The following CWH43 variants were observed in gnomAD, a reference collection of about 807,000 sequenced individuals.
The protein encoded by CWH43 is cell wall biogenesis 43 C-terminal homolog, also known as PGAP2-interacting protein.
Under a neutral mutation model 85.7 loss-of-function variants are expected in CWH43, and 91 were observed. The observed-to-expected ratio is 1.06, with a 90% CI of 0.90 to 1.26. The LOEUF is 1.26. Among genes scored for constraint, CWH43 ranks in the 50% most tolerant of loss-of-function variants. CWH43 has a pLI of 0.00. For missense variants in CWH43, 869 were observed against 839.2 expected, an observed-to-expected ratio of 1.04 and a Z score of -0.44; for synonymous variants, 323 against 293.6, an observed-to-expected ratio of 1.10 and a Z score of -1.02.
At position 49,003,969 on chromosome 4, in the gene CWH43, G is replaced by C. The variant is rs763800867; in HGVS notation, c.1037G>C (p.Arg346Thr). The C allele has an allele frequency of 6.2e-7, 1 of 1,612,300 alleles. No homozygotes were observed. Among genetic ancestry groups the C allele is most frequent in the Non-Finnish European group, 8.5e-7 (1 of 1,179,684 alleles). ...FKFVPGGVYA[R>T]ERSDVLLGTM... ...TTTGTCCCAGGAGGTGTCTACGCTA[G>C]AGAAAGATCAGATGTGCTTTTGGGT... The change falls in exon 7 of 16, where the codon AGA becomes ACA. Residue 346 changes from arginine to threonine, a missense_variant. Around this residue, in one of 3 missense-constraint regions of CWH43, gnomAD observed 577 missense variants for 513.1 expected, o/e 1.12. Coordinates refer to ENST00000226432, the MANE Select transcript of CWH43 (RefSeq NM_025087.3).
chr4:49,004,782 C>T (rs1459090849), intron 7 of CWH43, among the ~76,000 whole-genome samples: 1 of 152,016 alleles, frequency 6.6e-6, no homozygotes, highest in African/African-American at 2.4e-5. Context: ...ATATATTTAC[C>T]ATTTTAGTGG....
At chr4:49,032,536 A>G in intron 11 of CWH43, 30 bp from the exon 12 acceptor site, 1 of 1,612,266 alleles carries the variant, frequency 6.2e-7, no homozygotes, top group Non-Finnish European at 8.5e-7. Context: ...ACTGACAATG[A>G]TGCCCATGTC....
intron 6 of CWH43, chr4:49,003,470 T>C: frequency 2.4e-6 from 1 of 408,702 alleles, no homozygotes; most frequent in Middle Eastern, 6.2e-4. Flanking sequence ...TACCTAAAAA[T>C]ACCCTTTTCA....
At chr4:49,038,511 T>G (rs1784333733) in intron 13 of CWH43, among the ~76,000 whole-genome samples, 1 of 152,206 alleles carries the variant, frequency 6.6e-6, no homozygotes, top group Non-Finnish European at 1.5e-5. Context: ...TTCCTCGCCA[T>G]GGGCTACTTA....
chr4:49,056,232 A>G (rs1250432857), intron 15 of CWH43, among the ~76,000 whole-genome samples: 2 of 151,916 alleles, frequency 1.3e-5, no homozygotes, highest in African/African-American at 4.8e-5. Flanking sequence ...ATGTCCCTAC[A>G]AAGGATATGA....
chr4:49,000,991 T>A (rs954090860), intron 6 of CWH43, among the ~76,000 whole-genome samples: 2 of 152,164 alleles, frequency 1.3e-5, no homozygotes, highest in African/African-American at 4.8e-5. Context: ...TGGTGCCCAC[T>A]TTTCACTGTG....
intron 10 of CWH43, 23 bp from the exon 11 acceptor site, chr4:49,030,802 G>A (rs1784070202): frequency 1.3e-6 from 2 of 1,548,004 alleles, no homozygotes; most frequent in African/African-American, 1.4e-5. Context: ...ATCACTGTAT[G>A]CTACTTTTTT....
At chr4:49,051,093 A>G (rs1170784042) in intron 15 of CWH43, among the ~76,000 whole-genome samples, 1 of 152,192 alleles carries the variant, frequency 6.6e-6, no homozygotes, top group East Asian at 1.9e-4. Flanking sequence ...CATCATTATC[A>G]TCATGAACAT....
rs748048156 is a variant in CWH43 at position 48,994,773 on chromosome 4, G to C, written c.666G>C (p.Trp222Cys). The C allele has an allele frequency of 3.1e-6, 5 of 1,614,000 alleles. No individual in the cohort carries two copies. In the South Asian group the frequency reaches 5.5e-5, roughly 18 times the overall value. ...GAGAAGTCTCTCTTGTTTCCAGATGGGCAGTGAGTGGGCATCCACATCCAG... is the reference window on the plus strand; with the variant it reads ...GAGAAGTCTCTCTTGTTTCCAGATGCGCAGTGAGTGGGCATCCACATCCAG... ...VFGEVSLVSR[W>C]AVSGHPHPGP... Residue 222 changes from tryptophan (W) to cysteine (C), a missense_variant, in exon 5 of 16, where the codon TGG becomes TGC. Physicochemically the swap from Trp to Cys is radical, Grantham distance 215. Around this residue, in one of 3 missense-constraint regions of CWH43, gnomAD observed 152 missense variants for 203.6 expected, o/e 0.75. Coordinates refer to ENST00000226432, the MANE Select transcript of CWH43 (RefSeq NM_025087.3).
chr4:48,999,046 A>G (rs144411799), intron 6 of CWH43, among the ~76,000 whole-genome samples: 62 of 152,204 alleles, frequency 4.1e-4, no homozygotes, highest in African/African-American at 1.4e-3. Flanking sequence ...TAATAAGCCT[A>G]GTACCCGTTA....
At chr4:49,052,278 C>T (rs928933219) in intron 15 of CWH43, among the ~76,000 whole-genome samples, 9 of 152,134 alleles carry the variant, frequency 5.9e-5, no homozygotes, top group African/African-American at 2.2e-4. Flanking sequence ...TTCAAATCCT[C>T]ACTCTTGCCA....
chr4:49,041,587 T>C (rs539264415), intron 13 of CWH43, among the ~76,000 whole-genome samples: 3 of 152,340 alleles, frequency 2.0e-5, no homozygotes, highest in Non-Finnish European at 4.4e-5. Flanking sequence ...TTTTTGTACA[T>C]TGATTTTGTA....
rs1187317268 is a variant in CWH43 at position 48,998,592 on chromosome 4, T to A, written c.802+44T>A. The A allele has an allele frequency of 2.8e-6, 4 of 1,422,552 alleles. No individual in the cohort carries two copies. In the African/African-American group the frequency reaches 4.2e-5, roughly 15 times the overall value. 88.1% of individuals were successfully genotyped at this position (1,422,552 alleles called of 1,614,324 possible). ...CAGATAGAACACGACTGAGCTTGGT[T>A]ATCCAGTTTGTTTGCAAGCATGCGC... is the stretch of plus-strand genomic sequence containing the variant. On this transcript the variant is annotated intron_variant, in intron 6 of 15. Transcript: ENST00000226432.
intron 15 of CWH43, among the ~76,000 whole-genome samples, chr4:49,056,154 GA>G (rs1784950397): frequency 7.0e-6 from 1 of 143,378 alleles, no homozygotes; most frequent in African/African-American, 2.6e-5. Context: ...CTATGAGTGA[GA>G]ATATGCGGTG....
At chr4:49,005,865 G>A (rs937534898) in intron 7 of CWH43, among the ~76,000 whole-genome samples, 8 of 152,082 alleles carry the variant, frequency 5.3e-5, no homozygotes, top group African/African-American at 1.4e-4. Context: ...ACAGACATCC[G>A]ACTACTCTGC....
At position 49,028,735 on chromosome 4, in the gene CWH43, G is replaced by GT. The variant is rs1269385603; in HGVS notation, c.1372+2dup. 6.3e-7 allele frequency: 1 copy of GT among 1,583,708 alleles called. No homozygotes were observed. Among genetic ancestry groups the GT allele is most frequent in the Non-Finnish European group, 8.7e-7 (1 of 1,154,262 alleles). ...TCAGCTCACCTGCTCAATGAAACAGGTAAGTCTTCCTGGAATTAGTTCCAG... is the reference window on the plus strand; with the variant it reads ...TCAGCTCACCTGCTCAATGAAACAGGTTAAGTCTTCCTGGAATTAGTTCCAG... On this transcript the variant is annotated splice_donor_variant, in intron 10 of 15. Transcript: ENST00000226432. LOFTEE classifies it high-confidence loss of function.
intron 10 of CWH43, among the ~76,000 whole-genome samples, chr4:49,030,590 A>T (rs1333624732): frequency 6.6e-6 from 1 of 152,202 alleles, no homozygotes; most frequent in Non-Finnish European, 1.5e-5. Context: ...GAAAATTTTT[A>T]TCCTTCTTGG....
intron 9 of CWH43, among the ~76,000 whole-genome samples, chr4:49,020,645 C>T (rs1161872746): frequency 6.6e-6 from 1 of 152,146 alleles, no homozygotes; most frequent in Non-Finnish European, 1.5e-5. Context: ...CTGTTTTCCA[C>T]AGTGGTTGTA....
At chr4:49,004,144 C>A in intron 7 of CWH43, 152 bp downstream of exon 7, 3 of 658,358 alleles carry the variant, frequency 4.6e-6, no homozygotes, top group Non-Finnish European at 7.4e-6. Context: ...AACACAAAAC[C>A]TGGAGTGATG....
Sources: gnomAD v4.1 joint callset for allele counts (sites outside exome capture counted in the v4.1 genomes callset) on GRCh38, gnomAD v4.1.1 for gene constraint, gnomAD v4.1.1 regional missense constraint, MANE v1.5 for transcripts, NCBI Gene and HGNC (gene_info 2026-07-23, HGNC 2026-07-21) for gene names.